CELF2: variants seen among roughly 807,000 people sequenced by gnomAD.
The protein encoded by CELF2 is CUG triplet repeat RNA-binding protein 2.
CELF2 carries 8 observed loss-of-function variants against 62.6 expected under a neutral mutation model. The ratio of observed to expected loss-of-function variants is 0.13; its 90% confidence interval spans 0.07 to 0.23. CELF2 has a LOEUF of 0.23. Ranked by LOEUF, CELF2 falls within the 10% of genes least tolerant of loss-of-function variation. The pLI is 1.00. For synonymous variants in CELF2, 258 were observed against 250.0 expected (o/e 1.03, Z -0.30); for missense variants, 333 against 671.0 (o/e 0.50, Z 5.56).
chr10:11,004,908 C>A (rs1292957016), upstream of CELF2, among the ~76,000 whole-genome samples: 1 of 152,156 alleles, frequency 6.6e-6, no homozygotes, highest in African/African-American at 2.4e-5. The surrounding 1 kb of genome is among the most constrained non-coding windows in gnomAD (Gnocchi z 5.0). Context: ...CCATCCCAAT[C>A]TGTGGTTACT....
At chr10:10,668,439 G>C in the CELF2 span, among the ~76,000 whole-genome samples, 1 of 152,166 alleles carries the variant, frequency 6.6e-6, no homozygotes, top group African/African-American at 2.4e-5. Context: ...CCTCTGTCTT[G>C]CATGTTTCCA....
At chr10:10,587,846 C>T in the CELF2 span, among the ~76,000 whole-genome samples, 1 of 152,070 alleles carries the variant, frequency 6.6e-6, no homozygotes, top group Non-Finnish European at 1.5e-5. Flanking sequence ...CTGTGTAAAA[C>T]TAGCTTATGG....
chr10:11,326,208 C>T (rs1437456763), intron 12 of CELF2, among the ~76,000 whole-genome samples: 4 of 152,254 alleles, frequency 2.6e-5, no homozygotes, highest in Non-Finnish European at 5.9e-5. Context: ...ATTAAGGAAT[C>T]TAACCACAAT....
rs2094831880 is a variant in CELF2, at chr10:11,314,940, G to A, written c.1096+682G>A. On this transcript the variant is annotated intron_variant, in intron 10 of 12. Coordinates refer to ENST00000633077, the MANE Select transcript of CELF2 (RefSeq NM_001326342.2). This position sits in a 1 kb window ranked among gnomAD's most constrained non-coding sequence, Gnocchi z 5.3. ...ATCCAGAGGGACATCATTTAGCTGT[G>A]GCAGGTTGAAATAGGCTGGAGGCAA... is the stretch of plus-strand genomic sequence containing the variant. Among the ~76,000 whole-genome samples, 1 of 152,170 alleles carries A rather than the reference G, an allele frequency of 6.6e-6. No individual in the cohort carries two copies. Among genetic ancestry groups the A allele is most frequent in the Admixed American group, 6.5e-5 (1 of 15,280 alleles).
chr10:11,221,854 T>A (rs754055176), intron 3 of CELF2, among the ~76,000 whole-genome samples: 1 of 152,234 alleles, frequency 6.6e-6, no homozygotes, highest in Non-Finnish European at 1.5e-5. Flanking sequence ...TTGTTTAGAG[T>A]GCTCCATTTT....
rs2065995770 is a variant in CELF2, at chr10:11,224,958, T to G, written c.354+7451T>G. 6.6e-6 allele frequency among the ~76,000 whole-genome samples: 1 copy of G among 152,100 alleles called. No homozygotes were observed. The highest frequency in any genetic ancestry group is 2.4e-5 in the African/African-American group (1 of 41,400). ...GGGCTCTGCCGGATATGGTCTGGTT[T>G]GTGCAGGGAAGCGCGCTGGACACTT... On this transcript the variant is annotated intron_variant, in intron 3 of 12. Transcript: ENST00000633077. The surrounding 1 kb of genome is among the most constrained non-coding windows in gnomAD (Gnocchi z 4.5).
At chr10:11,032,519 T>C (rs927363762) in intron 1 of CELF2, among the ~76,000 whole-genome samples, 5 of 152,238 alleles carry the variant, frequency 3.3e-5, no homozygotes, top group African/African-American at 1.2e-4. Flanking sequence ...AAGGAACTGT[T>C]TAATGAAATA....
chr10:10,709,579 G>A, the CELF2 span, among the ~76,000 whole-genome samples: 1 of 152,314 alleles, frequency 6.6e-6, no homozygotes, highest in African/African-American at 2.4e-5. Context: ...AGGGGAATAT[G>A]TGAAGGTGGA....
At position 11,285,874 on chromosome 10, in the gene CELF2, TG is replaced by T. The variant is rs2091135171; in HGVS notation, c.842-2543del. On this transcript the variant is annotated intron_variant, in intron 8 of 12. Coordinates refer to ENST00000633077, the MANE Select transcript of CELF2 (RefSeq NM_001326342.2). The surrounding 1 kb of genome is among the most constrained non-coding windows in gnomAD (Gnocchi z 4.3). ...GTGTGTGTGTGTGTGTGTGTGTGTG[TG>T]TGTTTTTACATGGACTTGAAAATGA... Among the ~76,000 whole-genome samples, 1 of 106,818 alleles carries T rather than the reference TG, an allele frequency of 9.4e-6. No homozygotes were observed. The highest frequency in any genetic ancestry group is 1.8e-5 in the Non-Finnish European group (1 of 55,162). 70.1% of individuals were successfully genotyped at this position (106,818 alleles called of 152,430 possible). A position where few individuals can be genotyped will look rare whatever the true frequency, so the allele number is the denominator to read the frequency against.
Position 11,110,135 on chromosome 10 carries a change from C to G in CELF2, c.75-55351C>G, listed in dbSNP as rs947444692. The stretch of plus-strand genomic sequence containing the variant: ...AATTAGTTGGGCATGGTGGCATGCT[C>G]CTGTAGTCCCAGCTACTTGGGGAGG... On this transcript the variant is annotated intron_variant, in intron 1 of 12. Transcript: ENST00000633077. The surrounding 1 kb of genome is among the most constrained non-coding windows in gnomAD (Gnocchi z 4.0). Among the ~76,000 whole-genome samples the G allele has an allele frequency of 2.0e-5, 3 of 151,968 alleles. No homozygotes were observed. The highest frequency in any genetic ancestry group is 4.4e-5 in the Non-Finnish European group (3 of 67,996).
At chr10:11,327,455 T>C (rs1369887306) in intron 12 of CELF2, among the ~76,000 whole-genome samples, 1 of 152,232 alleles carries the variant, frequency 6.6e-6, no homozygotes, top group Non-Finnish European at 1.5e-5. Flanking sequence ...TTGAGCATGA[T>C]GGACTGGTTT....
At chr10:10,837,593 C>T (rs1001070125) in intron 1 of CELF2, among the ~76,000 whole-genome samples, 2 of 152,122 alleles carry the variant, frequency 1.3e-5, no homozygotes, top group South Asian at 2.1e-4. Context: ...CTATAATGGA[C>T]GTTATACTTG....
upstream of CELF2, among the ~76,000 whole-genome samples, chr10:11,004,776 G>T (rs2054912022): frequency 6.6e-6 from 1 of 152,098 alleles, no homozygotes; most frequent in South Asian, 2.1e-4. The surrounding 1 kb of genome is among the most constrained non-coding windows in gnomAD (Gnocchi z 5.0). Context: ...ATGACTCAGG[G>T]TGGGGCTAAG....
the CELF2 span, among the ~76,000 whole-genome samples, chr10:10,470,507 C>T: frequency 6.6e-6 from 1 of 151,776 alleles, no homozygotes; most frequent in Non-Finnish European, 1.5e-5. Context: ...TGTTTCTTGG[C>T]TGCTTATCAG....
the CELF2 span, among the ~76,000 whole-genome samples, chr10:10,779,200 A>G: frequency 6.6e-6 from 1 of 152,192 alleles, no homozygotes; most frequent in South Asian, 2.1e-4. Context: ...CTCTTATGTA[A>G]CAGCGTATCT....
chr10:10,813,209 A>G (rs2056107583), intron 1 of CELF2, among the ~76,000 whole-genome samples: 1 of 152,202 alleles, frequency 6.6e-6, no homozygotes, highest in Admixed American at 6.5e-5. Context: ...TGGAGCTCTA[A>G]TGTAAATCAG....
At chr10:10,748,847 A>G in the CELF2 span, among the ~76,000 whole-genome samples, 2 of 151,204 alleles carry the variant, frequency 1.3e-5, no homozygotes, top group Non-Finnish European at 2.9e-5. Flanking sequence ...GCTGGTGGTG[A>G]CTTGGATCAG....
At chr10:10,724,869 T>C in the CELF2 span, among the ~76,000 whole-genome samples, 2 of 152,182 alleles carry the variant, frequency 1.3e-5, no homozygotes, top group Non-Finnish European at 2.9e-5. Flanking sequence ...TTAATGATTG[T>C]ATCTGTTGGG....
chr10:10,618,977 AC>A, the CELF2 span, among the ~76,000 whole-genome samples: 1 of 152,150 alleles, frequency 6.6e-6, no homozygotes, highest in South Asian at 2.1e-4. Flanking sequence ...TGGCCATTTC[AC>A]CCTAAACTTT....
Sources: allele counts gnomAD v4.1 joint callset (sites outside exome capture counted in the v4.1 genomes callset), GRCh38; gene constraint gnomAD v4.1.1; non-coding constraint Gnocchi (gnomAD v3.1); transcripts MANE v1.5; gene names NCBI Gene and HGNC (gene_info 2026-07-23, HGNC 2026-07-21).